Variants in NLRP5 observed in about 807,000 individuals in gnomAD.
The protein encoded by NLRP5 is NACHT, LRR and PYD domains-containing protein 5.
Under a neutral mutation model 113.1 loss-of-function variants are expected in NLRP5, and 93 were observed. The ratio of observed to expected loss-of-function variants is 0.82; its 90% CI spans 0.70 to 0.98. NLRP5 has a LOEUF of 0.98. NLRP5 is among the 50% of genes least tolerant of loss of function. The pLI is 0.00. For synonymous variants in NLRP5, 751 were observed against 600.7 expected (o/e 1.25, Z -3.66); for missense variants, 1,808 against 1,514.3 (o/e 1.19, Z -3.22).
chr19:56,007,336 C>G (rs1981961551), intron 2 of NLRP5, among the ~76,000 whole-genome samples: 1 of 145,568 alleles, frequency 6.9e-6, no homozygotes. Context: ...TGCACTCCAG[C>G]CTGGGCGACA....
At chr19:56,022,827 C>T (rs534714469) in intron 6 of NLRP5, among the ~76,000 whole-genome samples, 10 of 152,228 alleles carry the variant, frequency 6.6e-5, no homozygotes, top group East Asian at 3.9e-4. Flanking sequence ...CAGGTTCAAG[C>T]GATGCTCCTG....
intron 2 of NLRP5, among the ~76,000 whole-genome samples, chr19:56,006,777 T>A (rs1981931089): frequency 6.6e-6 from 1 of 151,258 alleles, no homozygotes; most frequent in South Asian, 2.1e-4. Flanking sequence ...TCTGGCTCTG[T>A]CGCCCAGGCT....
At chr19:56,011,918 C>T (rs971335214) in intron 3 of NLRP5, among the ~76,000 whole-genome samples, 7 of 151,990 alleles carry the variant, frequency 4.6e-5, no homozygotes, top group Non-Finnish European at 1.0e-4. Context: ...CCTAGAATTC[C>T]TGACCTCAGG....
Position 56,007,916 on chromosome 19 carries a change from T to C in NLRP5, c.443-872T>C, listed in dbSNP as rs200543430. Among the ~76,000 whole-genome samples the C allele has an allele frequency of 1.3e-3, 45 of 35,868 alleles. 3 individuals are homozygous for C. Among genetic ancestry groups the C allele is most frequent in the Middle Eastern group, 0.014 (1 of 74 alleles). 23.5% of individuals were successfully genotyped at this position (35,868 alleles called of 152,430 possible). A position where few individuals can be genotyped will look rare whatever the true frequency, so the allele number is the denominator to read the frequency against. On this transcript the variant is annotated intron_variant, in intron 2 of 14. Coordinates refer to ENST00000390649, the MANE Select transcript of NLRP5 (RefSeq NM_153447.4). ...GCGTGCGCGCGTGCGTGTGTGTGTG[T>C]GTGTGTGTGTGTGTGTGTTTGAAAC...
rs146350186 is a variant in NLRP5 at position 56,040,566 on chromosome 19, CAAAT to C, written c.2787-348_2787-345del. Among the ~76,000 whole-genome samples the C allele has an allele frequency of 9.6e-3, 1,463 of 152,128 alleles. 19 individuals are homozygous for C. Among genetic ancestry groups the C allele is most frequent in the African/African-American group, 0.033 (1,364 of 41,482 alleles). On this transcript the variant is annotated intron_variant, in intron 10 of 14. Coordinates refer to ENST00000390649, the MANE Select transcript of NLRP5 (RefSeq NM_153447.4). ...TGGGCAACAGAGCGAGACTCCATCT[CAAAT>C]AAATAAAAATAAATAAGAAAATAAA...
rs759034212 is a variant in NLRP5 at position 56,061,459 on chromosome 19, GC to G, written c.3538del (p.Arg1180GlufsTer3). The stretch of plus-strand genomic sequence containing the variant: ...TGCTGGAGGAAGTGCAGCTACTCAA[GC>G]CCCGAGTCGTAATTGACGGTAGTTG... On this transcript the variant is annotated frameshift_variant, in exon 15 of 15. Coordinates refer to ENST00000390649, the MANE Select transcript of NLRP5 (RefSeq NM_153447.4). LOFTEE classifies it low-confidence loss of function (END_TRUNC). The G allele has an allele frequency of 8.7e-6, 14 of 1,614,020 alleles. No homozygotes were observed. The South Asian group carries it at 1.3e-4, about 15-fold the overall frequency.
chr19:56,061,628 T>C lies in NLRP5; in HGVS notation c.*100T>C, dbSNP rs1984359055. The stretch of plus-strand genomic sequence containing the variant: ...GCACCTGGGAGTTCCTTCTCAAAGA[T>C]GGAGAATGATTTCTGATTCTCACAA... On this transcript the variant is annotated 3_prime_UTR_variant, in exon 15 of 15. Transcript: ENST00000390649. The C allele has an allele frequency of 1.6e-6, 2 of 1,283,956 alleles. No individual in the cohort carries two copies. The highest frequency in any genetic ancestry group is 2.2e-6 in the Non-Finnish European group (2 of 900,510). The allele number at this position is 1,283,956 out of a possible 1,614,324, so 79.5% of individuals were successfully genotyped here. A position where few individuals can be genotyped will look rare whatever the true frequency, so the allele number is the denominator to read the frequency against.
At chr19:56,011,429 T>A (rs1219527980) in intron 3 of NLRP5, among the ~76,000 whole-genome samples, 1 of 152,150 alleles carries the variant, frequency 6.6e-6, no homozygotes, top group Non-Finnish European at 1.5e-5. Context: ...ATGGTTACAA[T>A]GTGAATATTC....
chr19:55,994,319 A>G, the NLRP5 span, among the ~76,000 whole-genome samples: 9 of 152,104 alleles, frequency 5.9e-5, no homozygotes, highest in Non-Finnish European at 1.5e-5. Context: ...TTTGCTATAC[A>G]GTTGTTTGAG....
At chr19:56,039,279 C>T (rs779054708) in intron 10 of NLRP5, among the ~76,000 whole-genome samples, 23 of 152,196 alleles carry the variant, frequency 1.5e-4, no homozygotes, top group African/African-American at 3.4e-4. Flanking sequence ...CCATTATCCA[C>T]GTGTGGCCAG....
At chr19:56,022,610 A>G (rs1982657821) in intron 6 of NLRP5, among the ~76,000 whole-genome samples, 3 of 152,194 alleles carry the variant, frequency 2.0e-5, no homozygotes, top group Admixed American at 2.0e-4. Flanking sequence ...AACAAGGAAA[A>G]CAATGAGCTC....
chr19:56,026,593 A>ATTT (rs1462458036), intron 6 of NLRP5, among the ~76,000 whole-genome samples: 3 of 135,714 alleles, frequency 2.2e-5, no homozygotes, highest in Non-Finnish European at 4.8e-5. Context: ...TTTTATTTTT[A>ATTT]TTTTGAGATA....
At chr19:56,019,876 G>A (rs1184747439) in intron 5 of NLRP5, among the ~76,000 whole-genome samples, 13 of 148,414 alleles carry the variant, frequency 8.8e-5, no homozygotes, top group South Asian at 4.2e-4. Context: ...TCGCTGTGTC[G>A]CCCAAGCTGT....
At chr19:55,994,201 G>C in the NLRP5 span, among the ~76,000 whole-genome samples, 1 of 152,120 alleles carries the variant, frequency 6.6e-6, no homozygotes. Context: ...GTGAGATTGC[G>C]ATGATGAGTA....
intron 1 of NLRP5, among the ~76,000 whole-genome samples, chr19:56,002,643 G>A (rs1981701910): frequency 6.7e-6 from 1 of 148,318 alleles, no homozygotes; most frequent in Non-Finnish European, 1.5e-5. Context: ...AGTCCCTGGT[G>A]TGTGATGTTC....
At chr19:56,023,968 G>T (rs574801925) in intron 6 of NLRP5, among the ~76,000 whole-genome samples, 4 of 151,988 alleles carry the variant, frequency 2.6e-5, no homozygotes, top group Non-Finnish European at 5.9e-5. Context: ...TCTTTTTCAC[G>T]TTCATTGAGT....
At chr19:56,008,447 G>A (rs62123588) in intron 2 of NLRP5, among the ~76,000 whole-genome samples, 7,272 of 152,148 alleles carry the variant, frequency 0.048, 269 homozygotes, top group South Asian at 0.079. Context: ...CATCTAGTGA[G>A]TCATTGACTA....
chr19:56,023,359 G>C (rs1272540706), intron 6 of NLRP5, among the ~76,000 whole-genome samples: 1 of 152,088 alleles, frequency 6.6e-6, no homozygotes, highest in Non-Finnish European at 1.5e-5. Flanking sequence ...GCTTCCCGTG[G>C]TTTCAACACG....
chr19:56,045,962 C>T (rs1166656136), intron 11 of NLRP5, among the ~76,000 whole-genome samples: 1 of 152,164 alleles, frequency 6.6e-6, no homozygotes, highest in Non-Finnish European at 1.5e-5. Flanking sequence ...TGGATGTGTA[C>T]ATGTGGGTCA....
Sources: gnomAD v4.1 joint callset for allele counts (sites outside exome capture counted in the v4.1 genomes callset) on GRCh38, gnomAD v4.1.1 for gene constraint, MANE v1.5 for transcripts, NCBI Gene and HGNC (gene_info 2026-07-23, HGNC 2026-07-21) for gene names.